RALYL: variants seen among roughly 807,000 people sequenced by gnomAD.
RALYL encodes the protein RALY RNA binding protein like, also known as RNA-binding Raly-like protein.
A neutral mutation model predicts 35.1 loss-of-function variants in RALYL; 29 were observed. That is an observed-to-expected ratio of 0.83 (90% CI 0.61 to 1.13). The LOEUF is 1.13. Ranked by LOEUF, RALYL falls within the 50% of genes most tolerant of loss-of-function variation. RALYL has a pLI of 0.00. For missense variants in RALYL, 359 were observed against 360.4 expected (o/e 1.00, Z 0.03); for synonymous variants, 120 against 127.6 (o/e 0.94, Z 0.40).
chr8:84,627,983 C>T (rs1009152640), intron 2 of RALYL, among the ~76,000 whole-genome samples: 6 of 152,036 alleles, frequency 3.9e-5, no homozygotes, highest in African/African-American at 1.2e-4. Flanking sequence ...ATTGCTGTTT[C>T]GTCTTTCTCT....
At chr8:84,307,366 C>A (rs1842009896) in intron 1 of RALYL, among the ~76,000 whole-genome samples, 2 of 152,020 alleles carry the variant, frequency 1.3e-5, no homozygotes, top group Non-Finnish European at 2.9e-5. Context: ...TTATGAATAT[C>A]ATGAATCAGG....
At chr8:84,524,788 C>T (rs916173794) in intron 1 of RALYL, among the ~76,000 whole-genome samples, 22 of 151,838 alleles carry the variant, frequency 1.4e-4, no homozygotes, top group Non-Finnish European at 2.6e-4. Flanking sequence ...CTGATATTTC[C>T]GGAATGAACC....
At chr8:84,582,535 A>G (rs1395944577) in intron 2 of RALYL, among the ~76,000 whole-genome samples, 1 of 152,034 alleles carries the variant, frequency 6.6e-6, no homozygotes, top group Non-Finnish European at 1.5e-5. Flanking sequence ...AGGATCTCTC[A>G]TTCATGATTT....
intron 3 of RALYL, among the ~76,000 whole-genome samples, chr8:84,793,516 C>A (rs745548845): frequency 6.6e-6 from 1 of 152,170 alleles, no homozygotes; most frequent in Non-Finnish European, 1.5e-5. Context: ...CTTGATCCTG[C>A]ACAATTATCT....
intron 8 of RALYL, among the ~76,000 whole-genome samples, chr8:84,898,726 G>A (rs1476056215): frequency 6.6e-6 from 1 of 152,138 alleles, no homozygotes; most frequent in Non-Finnish European, 1.5e-5. Flanking sequence ...TTGCCTGAAG[G>A]GTAAGGGTGA....
chr8:84,433,934 TGTGGGTACCTCAATTG>T (rs948593621), intron 1 of RALYL, among the ~76,000 whole-genome samples: 33 of 152,124 alleles, frequency 2.2e-4, no homozygotes, highest in Admixed American at 3.3e-4. Flanking sequence ...GAAATTTGTT[TGTGGGTACCTCAATTG>T]GTCAGCTTAA....
intron 4 of RALYL, among the ~76,000 whole-genome samples, chr8:84,846,033 C>T (rs1834576915): frequency 2.0e-5 from 3 of 152,250 alleles, no homozygotes; most frequent in East Asian, 3.9e-4. Context: ...TTTTTGGTTA[C>T]CGTAGCCTTG....
At chr8:84,408,612 G>T (rs1243648601) in intron 1 of RALYL, among the ~76,000 whole-genome samples, 1 of 152,132 alleles carries the variant, frequency 6.6e-6, no homozygotes, top group Non-Finnish European at 1.5e-5. Flanking sequence ...AGTCATTCAA[G>T]AACCCAGGTG....
chr8:84,826,211 T>A (rs531989687), intron 4 of RALYL, among the ~76,000 whole-genome samples: 1 of 147,740 alleles, frequency 6.8e-6, no homozygotes, highest in African/African-American at 2.5e-5. Context: ...GCTCACTAGG[T>A]GATGGGATCA....
intron 2 of RALYL, among the ~76,000 whole-genome samples, chr8:84,602,933 A>G (rs184803712): frequency 6.9e-4 from 105 of 152,250 alleles, no homozygotes; most frequent in African/African-American, 2.5e-3. Flanking sequence ...GGTCTCTCTG[A>G]AAAGGTAATA....
chr8:84,572,730 A>G (rs1808314580), intron 2 of RALYL, among the ~76,000 whole-genome samples: 2 of 151,820 alleles, frequency 1.3e-5, no homozygotes, highest in Admixed American at 1.3e-4. Flanking sequence ...GAAGCAAGTG[A>G]AAAATTTTGC....
At chr8:84,877,833 T>C (rs998391958) in intron 7 of RALYL, among the ~76,000 whole-genome samples, 1 of 152,226 alleles carries the variant, frequency 6.6e-6, no homozygotes, top group African/African-American at 2.4e-5. Context: ...CTGTAGCCTA[T>C]AACATGACTA....
intron 1 of RALYL, among the ~76,000 whole-genome samples, chr8:84,311,201 T>TA (rs1842758426): frequency 6.7e-6 from 1 of 150,186 alleles, no homozygotes; most frequent in Admixed American, 6.6e-5. Context: ...ATGCTTAATG[T>TA]AAAAAACCTT....
intron 2 of RALYL, among the ~76,000 whole-genome samples, chr8:84,709,449 T>C (rs2132443477): frequency 6.6e-6 from 1 of 152,190 alleles, no homozygotes; most frequent in Non-Finnish European, 1.5e-5. Flanking sequence ...TACATAAACA[T>C]ATACATACAT....
At chr8:84,439,092 A>T (rs2048056160) in intron 1 of RALYL, among the ~76,000 whole-genome samples, 1 of 151,914 alleles carries the variant, frequency 6.6e-6, no homozygotes, top group African/African-American at 2.4e-5. Flanking sequence ...TTCCACGTTA[A>T]TTTTAGATTT....
At chr8:84,472,913 C>T (rs895246998) in intron 1 of RALYL, among the ~76,000 whole-genome samples, 34 of 152,126 alleles carry the variant, frequency 2.2e-4, no homozygotes, top group Non-Finnish European at 3.7e-4. Flanking sequence ...ATGGAATAAT[C>T]TTTGAGACTG....
In RALYL at chr8:84,550,932, T is replaced by C. The variant is rs374876712; in HGVS notation, c.256+21355T>C. On this transcript the variant is annotated intron_variant, in intron 2 of 8. Transcript: ENST00000521268. ...TTCATTGCGACAAAATCTAGGTCTA[T>C]AACCATTACCCAAGGTATAAATATA... Among the ~76,000 whole-genome samples, 21 of 152,146 alleles carry C rather than the reference T, an allele frequency of 1.4e-4. 2 individuals are homozygous for C. In the South Asian group the frequency reaches 3.9e-3, roughly 28 times the overall value.
intron 3 of RALYL, among the ~76,000 whole-genome samples, chr8:84,796,141 G>T (rs751932288): frequency 1.3e-5 from 2 of 152,108 alleles, no homozygotes; most frequent in African/African-American, 2.4e-5. Flanking sequence ...ACTTCTTTGC[G>T]CAGATGGAGG....
intron 2 of RALYL, among the ~76,000 whole-genome samples, chr8:84,729,363 G>T (rs1224658435): frequency 1.3e-5 from 2 of 152,054 alleles, no homozygotes; most frequent in African/African-American, 2.4e-5. Flanking sequence ...ATCAGCTTAA[G>T]GAGATTTTGG....
Sources: allele counts gnomAD v4.1 joint callset (sites outside exome capture counted in the v4.1 genomes callset), GRCh38; gene constraint gnomAD v4.1.1; transcripts MANE v1.5; gene names NCBI Gene and HGNC (gene_info 2026-07-23, HGNC 2026-07-21).